The following SEC22A variants were observed in gnomAD, a reference collection of about 807,000 sequenced individuals.
The protein encoded by SEC22A is SEC22 homolog A, vesicle trafficking protein.
Under a neutral mutation model 35.3 loss-of-function variants are expected in SEC22A, and 22 were observed. The observed-to-expected ratio is 0.62, with a 90% CI of 0.45 to 0.89. The LOEUF is 0.89. Ranked by LOEUF, SEC22A falls within the 40% of genes least tolerant of loss-of-function variation. SEC22A has a pLI of 0.00. For synonymous variants in SEC22A, 119 were observed against 129.5 expected, an observed-to-expected ratio of 0.92 and a Z score of 0.55; for missense variants, 354 against 362.5, an observed-to-expected ratio of 0.98 and a Z score of 0.19.
intron 6 of SEC22A, among the ~76,000 whole-genome samples, chr3:123,262,275 A>G (rs1305743824): frequency 6.6e-6 from 1 of 152,218 alleles, no homozygotes; most frequent in Non-Finnish European, 1.5e-5. Flanking sequence ...GAACATTTCA[A>G]ATAGGAAAGC....
chr3:123,249,406 C>T (rs1179419419), intron 5 of SEC22A, among the ~76,000 whole-genome samples: 1 of 152,028 alleles, frequency 6.6e-6, no homozygotes, highest in African/African-American at 2.4e-5. Context: ...GGTAACCAGC[C>T]CCCATCTAGG....
intron 2 of SEC22A, among the ~76,000 whole-genome samples, chr3:123,222,993 C>G (rs920521261): frequency 6.6e-6 from 1 of 152,222 alleles, no homozygotes; most frequent in African/African-American, 2.4e-5. Context: ...CCATAGCCCT[C>G]ATTTCTCCTT....
At chr3:123,233,716 T>C (rs1201540516) in intron 4 of SEC22A, among the ~76,000 whole-genome samples, 1 of 151,854 alleles carries the variant, frequency 6.6e-6, no homozygotes, top group African/African-American at 2.4e-5. Context: ...TAAAAGTCCC[T>C]TATGGAAAAC....
chr3:123,241,009 A>G (rs986295089), intron 4 of SEC22A, among the ~76,000 whole-genome samples: 3 of 128,720 alleles, frequency 2.3e-5, no homozygotes, highest in African/African-American at 8.2e-5. Context: ...TCTTACACAC[A>G]CACACACACA....
chr3:123,225,734 CAATA>C (rs1024958713), intron 4 of SEC22A, among the ~76,000 whole-genome samples: 3 of 152,046 alleles, frequency 2.0e-5, no homozygotes, highest in Admixed American at 2.0e-4. Flanking sequence ...TTTAAATGTA[CAATA>C]AATTATTGTT....
chr3:123,255,047 A>T (rs1220352348), intron 5 of SEC22A, among the ~76,000 whole-genome samples: 1 of 152,068 alleles, frequency 6.6e-6, no homozygotes, highest in East Asian at 1.9e-4. Context: ...TATCCTTTCA[A>T]TTGCCAAATA....
intron 6 of SEC22A, among the ~76,000 whole-genome samples, chr3:123,263,061 CT>C (rs2108103421): frequency 6.6e-6 from 1 of 152,318 alleles, no homozygotes; most frequent in East Asian, 1.9e-4. Context: ...GCCATATCCA[CT>C]TCCTTAATCT....
chr3:123,235,447 CATT>C (rs1020095225), intron 4 of SEC22A, among the ~76,000 whole-genome samples: 29 of 151,856 alleles, frequency 1.9e-4, no homozygotes, highest in African/African-American at 7.0e-4. Flanking sequence ...ACGTCATAGT[CATT>C]AGGGAAATAC....
chr3:123,226,772 C>A (rs1264146483), intron 4 of SEC22A, among the ~76,000 whole-genome samples: 2 of 152,184 alleles, frequency 1.3e-5, no homozygotes, highest in Non-Finnish European at 2.9e-5. Context: ...TGGGGTATTA[C>A]TCAAGAGATC....
At chr3:123,209,709 T>A (rs9870363) in intron 2 of SEC22A, among the ~76,000 whole-genome samples, 29,837 of 150,630 alleles carry the variant, frequency 0.2, 3,024 homozygotes, top group Middle Eastern at 0.28. Flanking sequence ...GAAATAAAAA[T>A]TTTTTACCTG....
rs1167274635 is a variant in SEC22A at position 123,260,766 on chromosome 3, G to T, written c.723+1177G>T. On this transcript the variant is annotated intron_variant, in intron 6 of 6. Transcript: ENST00000492595. ...GGACGTATTTTGAATATATGTATTT[G>T]ACTTTTATGTAAAGACATTAGACAT... Among the ~76,000 whole-genome samples, 6 of 151,812 alleles carry T rather than the reference G, an allele frequency of 4.0e-5. No homozygotes were observed. The East Asian group carries it at 7.7e-4, about 20-fold the overall frequency.
intron 6 of SEC22A, among the ~76,000 whole-genome samples, chr3:123,268,394 A>C (rs1938072320): frequency 6.6e-6 from 1 of 152,024 alleles, no homozygotes; most frequent in Non-Finnish European, 1.5e-5. Flanking sequence ...AACTCAGAGA[A>C]CCTACCACTG....
intron 5 of SEC22A, among the ~76,000 whole-genome samples, chr3:123,256,815 A>C (rs1937742978): frequency 7.4e-6 from 1 of 134,434 alleles, no homozygotes; most frequent in Non-Finnish European, 1.5e-5. Context: ...GCTGGAGTGC[A>C]GTGGCGCAGT....
Position 123,221,277 on chromosome 3 carries a change from C to T in SEC22A, c.183-2282C>T, listed in dbSNP as rs567978544. On this transcript the variant is annotated intron_variant, in intron 2 of 6. Transcript: ENST00000492595. The stretch of plus-strand genomic sequence containing the variant: ...CTTGAGGTCAGGAATTTGAGACCAC[C>T]CTGGTCAACATGGTAAAACCCCATC... 4.6e-5 allele frequency among the ~76,000 whole-genome samples: 7 copies of T among 151,378 alleles called. No homozygotes were observed. The South Asian group carries it at 1.5e-3, about 32-fold the overall frequency.
rs1387578005 is a variant in SEC22A, at chr3:123,245,986, G to C, written c.629G>C (p.Gly210Ala). 6.2e-7 allele frequency: 1 copy of C among 1,609,024 alleles called. No homozygotes were observed. Among genetic ancestry groups the C allele is most frequent in the Non-Finnish European group, 8.5e-7 (1 of 1,175,480 alleles). Residue 210 changes from glycine to alanine, a missense_variant, in exon 5 of 7, where the codon GGC becomes GCC. Transcript: ENST00000492595. The part of the protein sequence containing the change: ...LLCGALNLIR[G>A]FHAIESLLQS... ...TGTGGAGCTCTGAATTTAATTCGAG[G>C]CTTTCATGCTATAGAAAGTCTCCTG...
intron 4 of SEC22A, among the ~76,000 whole-genome samples, chr3:123,240,078 T>C (rs995640539): frequency 2.0e-5 from 3 of 152,140 alleles, no homozygotes; most frequent in Admixed American, 6.6e-5. Flanking sequence ...TGGTTGGTAG[T>C]GTGAGTCTGG....
chr3:123,207,191 T>G (rs1936867471), intron 1 of SEC22A, among the ~76,000 whole-genome samples: 1 of 152,172 alleles, frequency 6.6e-6, no homozygotes, highest in Admixed American at 6.5e-5. Context: ...TGCATTAGAT[T>G]TATTAGTTGG....
chr3:123,208,004 A>G (rs1576482002), intron 1 of SEC22A, among the ~76,000 whole-genome samples: 1 of 152,340 alleles, frequency 6.6e-6, no homozygotes, highest in Middle Eastern at 3.4e-3. Flanking sequence ...AAATAATAAT[A>G]ACCAATAATA....
At chr3:123,251,182 T>TA (rs1419125013) in intron 5 of SEC22A, among the ~76,000 whole-genome samples, 1 of 152,206 alleles carries the variant, frequency 6.6e-6, no homozygotes, top group Non-Finnish European at 1.5e-5. Context: ...CCTAGAAACT[T>TA]AAAGAGATTT....
Sources: allele counts gnomAD v4.1 joint callset (sites outside exome capture counted in the v4.1 genomes callset), GRCh38; gene constraint gnomAD v4.1.1; transcripts MANE v1.5; gene names NCBI Gene and HGNC (gene_info 2026-07-23, HGNC 2026-07-21).